Variants in ENTREP2 observed in about 807,000 individuals in gnomAD.
The protein encoded by ENTREP2 is protein ENTREP2.
the ENTREP2 span, among the ~76,000 whole-genome samples, chr15:29,139,261 T>C: frequency 1.3e-5 from 2 of 152,178 alleles, no homozygotes; most frequent in Non-Finnish European, 2.9e-5. Flanking sequence ...GTGGGCCTCC[T>C]AACACACGGA....
the ENTREP2 span, among the ~76,000 whole-genome samples, chr15:29,646,854 T>C: frequency 6.6e-6 from 1 of 152,312 alleles, no homozygotes; most frequent in African/African-American, 2.4e-5. Flanking sequence ...CTGTCTATCC[T>C]GAACCCTACT....
At chr15:29,159,770 T>G in the ENTREP2 span, among the ~76,000 whole-genome samples, 1 of 152,170 alleles carries the variant, frequency 6.6e-6, no homozygotes, top group Non-Finnish European at 1.5e-5. Flanking sequence ...TTTACAAACC[T>G]TGAGCTAGAC....
the ENTREP2 span, chr15:29,381,919 A>T: frequency 8.0e-7 from 1 of 1,251,420 alleles, no homozygotes; most frequent in Non-Finnish European, 1.1e-6. Flanking sequence ...CAACCCGGAG[A>T]AGGACGTGTG....
chr15:29,234,456 C>G, the ENTREP2 span: 2 of 1,496,872 alleles, frequency 1.3e-6, no homozygotes, highest in Non-Finnish European at 1.9e-6. Flanking sequence ...TTCCCTGTAG[C>G]TCTTGTGCCC....
chr15:29,125,874 A>C, the ENTREP2 span, among the ~76,000 whole-genome samples: 2 of 152,196 alleles, frequency 1.3e-5, no homozygotes, highest in Non-Finnish European at 2.9e-5. Flanking sequence ...AATGCTGCTG[A>C]AAACGCACCT....
chr15:29,180,392 G>A, the ENTREP2 span, among the ~76,000 whole-genome samples: 1 of 152,172 alleles, frequency 6.6e-6, no homozygotes, highest in South Asian at 2.1e-4. Context: ...TAGGCCAGGC[G>A]CACTGGCTCA....
chr15:29,624,330 T>TGC, the ENTREP2 span, among the ~76,000 whole-genome samples: 10 of 151,270 alleles, frequency 6.6e-5, no homozygotes, highest in East Asian at 5.8e-4. Flanking sequence ...CACATGCACG[T>TGC]GCGCACACAC....
the ENTREP2 span, among the ~76,000 whole-genome samples, chr15:29,205,332 T>A: frequency 6.6e-6 from 1 of 152,204 alleles, no homozygotes; most frequent in African/African-American, 2.4e-5. Flanking sequence ...TTGGGTAAAT[T>A]CCCAGAAGGG....
chr15:29,342,482 C>T, the ENTREP2 span, among the ~76,000 whole-genome samples: 1 of 152,178 alleles, frequency 6.6e-6, no homozygotes, highest in East Asian at 1.9e-4. Context: ...GGTCTCTCTG[C>T]AGGATCAAAT....
the ENTREP2 span, among the ~76,000 whole-genome samples, chr15:29,200,988 T>C: frequency 6.6e-6 from 1 of 152,246 alleles, no homozygotes. Context: ...CACTTATGTA[T>C]CTTTTTAAGC....
At chr15:29,260,871 A>G in the ENTREP2 span, among the ~76,000 whole-genome samples, 1 of 152,240 alleles carries the variant, frequency 6.6e-6, no homozygotes. Context: ...AAAAAGCATT[A>G]TTAGGAATAA....
the ENTREP2 span, among the ~76,000 whole-genome samples, chr15:29,159,162 T>G: frequency 2.0e-5 from 3 of 152,044 alleles, no homozygotes; most frequent in Non-Finnish European, 2.9e-5. Context: ...AGTCTGTTCG[T>G]TCTGATGTGT....
the ENTREP2 span, among the ~76,000 whole-genome samples, chr15:29,617,104 T>C: frequency 2.0e-5 from 3 of 152,154 alleles, no homozygotes; most frequent in African/African-American, 7.2e-5. Flanking sequence ...AGATTTATTA[T>C]AGGAACTGGC....
chr15:29,183,586 A>T, the ENTREP2 span, among the ~76,000 whole-genome samples: 4 of 152,242 alleles, frequency 2.6e-5, no homozygotes, highest in Admixed American at 2.6e-4. Flanking sequence ...TCAATGCAAG[A>T]CCATGCAGAA....
At chr15:29,588,661 A>G in the ENTREP2 span, among the ~76,000 whole-genome samples, 1 of 152,138 alleles carries the variant, frequency 6.6e-6, no homozygotes, top group Admixed American at 6.5e-5. Flanking sequence ...AAACCTGTAC[A>G]TTAAAAGAGA....
chr15:29,137,268 G>A, the ENTREP2 span: 212 of 1,305,508 alleles, frequency 1.6e-4, no homozygotes, highest in African/African-American at 3.1e-3. Flanking sequence ...CTAATTATAC[G>A]AGAGCTTTAA....
At chr15:29,426,172 A>G in the ENTREP2 span, among the ~76,000 whole-genome samples, 1 of 152,152 alleles carries the variant, frequency 6.6e-6, no homozygotes, top group East Asian at 1.9e-4. Flanking sequence ...AATGGTATGC[A>G]GAAATTTGGA....
At chr15:29,561,210 T>C in the ENTREP2 span, among the ~76,000 whole-genome samples, 3 of 151,470 alleles carry the variant, frequency 2.0e-5, no homozygotes, top group African/African-American at 7.3e-5. Context: ...AACTTAAAAA[T>C]AGAACTATCC....
chr15:29,196,318 C>A, the ENTREP2 span: 2 of 1,214,188 alleles, frequency 1.6e-6, no homozygotes, highest in Non-Finnish European at 2.3e-6. Context: ...TTGCACTGAA[C>A]CTACCCCGGG....
Sources: gnomAD v4.1 joint callset for allele counts (sites outside exome capture counted in the v4.1 genomes callset) on GRCh38, gnomAD v4.1.1 for gene constraint, MANE v1.5 for transcripts, NCBI Gene and HGNC (gene_info 2026-07-23, HGNC 2026-07-21) for gene names.